Variants in KLF12 observed in about 807,000 individuals in gnomAD.
KLF12 encodes the protein Krueppel-like factor 12.
Under a neutral mutation model 37.8 loss-of-function variants are expected in KLF12, and 9 were observed. The ratio of observed to expected loss-of-function variants is 0.24; its 90% CI spans 0.14 to 0.42. KLF12 has a LOEUF of 0.42. Among genes scored for constraint, KLF12 ranks in the 10% least tolerant of loss-of-function variants. The pLI, the probability that KLF12 is intolerant of heterozygous loss-of-function variation, is 1.00. For synonymous variants in KLF12, 208 were observed against 202.1 expected, an observed-to-expected ratio of 1.03 and a Z score of -0.25; for missense variants, 411 against 516.0, an observed-to-expected ratio of 0.80 and a Z score of 1.97.
chr13:74,013,031 T>C (rs1029857968), intron 1 of KLF12, among the ~76,000 whole-genome samples: 1 of 152,188 alleles, frequency 6.6e-6, no homozygotes, highest in Non-Finnish European at 1.5e-5. Flanking sequence ...GTAAAGAACA[T>C]GTAGATTTCT....
the KLF12 span, among the ~76,000 whole-genome samples, chr13:74,159,880 G>A: frequency 1.3e-5 from 2 of 151,652 alleles, no homozygotes; most frequent in African/African-American, 4.8e-5. Context: ...CTGCATGTCT[G>A]TGTCCCAGCT....
chr13:73,928,323 A>C (rs569370532), intron 3 of KLF12, among the ~76,000 whole-genome samples: 4 of 152,230 alleles, frequency 2.6e-5, no homozygotes, highest in Non-Finnish European at 5.9e-5. Context: ...AATGGTTACA[A>C]TTATCTCTGA....
At chr13:73,756,355 G>A (rs562375784) in intron 6 of KLF12, among the ~76,000 whole-genome samples, 3 of 152,168 alleles carry the variant, frequency 2.0e-5, no homozygotes, top group African/African-American at 7.2e-5. Flanking sequence ...TTAAATATGT[G>A]ATGCCAAGTA....
the KLF12 span, among the ~76,000 whole-genome samples, chr13:74,292,069 T>C: frequency 6.6e-6 from 1 of 152,226 alleles, no homozygotes; most frequent in Admixed American, 6.5e-5. Flanking sequence ...TTAAGTTTAA[T>C]TGCAGTAAAA....
intron 4 of KLF12, among the ~76,000 whole-genome samples, chr13:73,829,397 G>T (rs1361581747): frequency 3.3e-5 from 5 of 151,792 alleles, no homozygotes; most frequent in Admixed American, 3.3e-4. Flanking sequence ...AAATAATAAG[G>T]ATATTTTTCT....
chr13:74,001,054 G>A (rs1011603056), intron 1 of KLF12, among the ~76,000 whole-genome samples: 1 of 152,100 alleles, frequency 6.6e-6, no homozygotes, highest in Admixed American at 6.5e-5. Flanking sequence ...GTGCCATTTG[G>A]ACATGCACGT....
chr13:74,134,861 G>A (rs941742223), upstream of KLF12, among the ~76,000 whole-genome samples: 6 of 152,020 alleles, frequency 3.9e-5, no homozygotes, highest in African/African-American at 1.4e-4. Context: ...GGGTGGGGGC[G>A]CGCAGTGGAG....
At chr13:74,199,603 G>C in the KLF12 span, among the ~76,000 whole-genome samples, 1 of 152,180 alleles carries the variant, frequency 6.6e-6, no homozygotes, top group Admixed American at 6.6e-5. Flanking sequence ...AGGACCTGTA[G>C]AGGCTCTCTC....
intron 6 of KLF12, among the ~76,000 whole-genome samples, chr13:73,727,545 A>T (rs992931663): frequency 5.9e-5 from 9 of 152,154 alleles, no homozygotes; most frequent in African/African-American, 2.2e-4. Flanking sequence ...CTTCTATTCC[A>T]TGGATTTGTC....
At chr13:74,226,519 G>C in the KLF12 span, among the ~76,000 whole-genome samples, 1 of 152,034 alleles carries the variant, frequency 6.6e-6, no homozygotes, top group Non-Finnish European at 1.5e-5. Flanking sequence ...ATCTCTGCTG[G>C]GCAGAAAGAC....
the KLF12 span, among the ~76,000 whole-genome samples, chr13:74,143,439 A>G: frequency 2.6e-5 from 4 of 151,006 alleles, no homozygotes; most frequent in African/African-American, 9.7e-5. Context: ...TCCTTAAATG[A>G]CACTCCTATT....
At chr13:74,113,484 AT>A (rs1344884207) in intron 1 of KLF12, among the ~76,000 whole-genome samples, 1 of 152,240 alleles carries the variant, frequency 6.6e-6, no homozygotes, top group East Asian at 1.9e-4. Flanking sequence ...ATTATGCTAA[AT>A]CTACCCTGCC....
intron 6 of KLF12, among the ~76,000 whole-genome samples, chr13:73,750,011 A>G (rs533736483): frequency 1.3e-5 from 2 of 152,310 alleles, no homozygotes; most frequent in East Asian, 3.9e-4. Context: ...ACATAATTAG[A>G]GAGTGACAGA....
At chr13:73,911,005 C>T in intron 3 of KLF12, among the ~76,000 whole-genome samples, 1 of 152,084 alleles carries the variant, frequency 6.6e-6, no homozygotes, top group Non-Finnish European at 1.5e-5. Context: ...ACAGATGTGG[C>T]CCCTTGACCT....
intron 3 of KLF12, among the ~76,000 whole-genome samples, chr13:73,860,739 AT>A (rs1278850782): frequency 5.3e-5 from 8 of 152,182 alleles, no homozygotes; most frequent in African/African-American, 1.9e-4. Flanking sequence ...GTGAAAAAAA[AT>A]CTATGAATTA....
At chr13:73,730,089 T>C (rs1876952498) in intron 6 of KLF12, among the ~76,000 whole-genome samples, 1 of 152,094 alleles carries the variant, frequency 6.6e-6, no homozygotes, top group Non-Finnish European at 1.5e-5. Flanking sequence ...CATAAACCCA[T>C]CTGAGGGTCT....
At chr13:74,287,389 A>AGAGAGAGAGAGAGAGAGAGG in the KLF12 span, among the ~76,000 whole-genome samples, 39 of 150,762 alleles carry the variant, frequency 2.6e-4, no homozygotes, top group African/African-American at 9.2e-4. Context: ...AGAGAGAGAG[A>AGAGAGAGAGAGAGAGAGAGG]GAGAGAATCC....
chr13:74,297,347 A>G, the KLF12 span, among the ~76,000 whole-genome samples: 1 of 152,220 alleles, frequency 6.6e-6, no homozygotes, highest in Non-Finnish European at 1.5e-5. Flanking sequence ...CTGGGTTTAA[A>G]AAATTCCAGC....
intron 3 of KLF12, among the ~76,000 whole-genome samples, chr13:73,853,112 C>T (rs1459733408): frequency 6.6e-6 from 1 of 152,028 alleles, no homozygotes; most frequent in Non-Finnish European, 1.5e-5. Flanking sequence ...CGTGATCCGC[C>T]TCCCTCGGCC....
Sources: gnomAD v4.1 joint callset for allele counts (sites outside exome capture counted in the v4.1 genomes callset) on GRCh38, gnomAD v4.1.1 for gene constraint, MANE v1.5 for transcripts, NCBI Gene and HGNC (gene_info 2026-07-23, HGNC 2026-07-21) for gene names.